Variants in PHF14 observed in about 807,000 individuals in gnomAD.
The protein encoded by PHF14 is PHD finger protein 14.
PHF14 carries 55 observed loss-of-function variants against 117.9 expected under a neutral mutation model. The ratio of observed to expected loss-of-function variants is 0.47; its 90% CI spans 0.38 to 0.58. The LOEUF (loss-of-function observed/expected upper bound fraction) is 0.58, where lower values mean the gene tolerates loss of function less well. Among genes scored for constraint, PHF14 ranks in the 20% least tolerant of loss-of-function variants. The pLI is 0.00. For missense variants in PHF14, 978 were observed against 1,122.2 expected (o/e 0.87, Z 1.84); for synonymous variants, 409 against 368.6 (o/e 1.11, Z -1.26).
chr7:10,990,860 T>C lies in PHF14; in HGVS notation c.1045+13T>C. 1 of 1,551,408 alleles carries C rather than the reference T, an allele frequency of 6.4e-7. No individual in the cohort carries two copies. Among genetic ancestry groups the C allele is most frequent in the African/African-American group, 1.4e-5 (1 of 73,560 alleles). ...ACAGTCCATGAAGGTAATGTTGCTT[T>C]CTTTTCTCTCTTTTTAGAAATGGCT... On this transcript the variant is annotated intron_variant, in intron 4 of 17. Coordinates refer to ENST00000634607, the MANE Select transcript of PHF14 (RefSeq NM_001007157.2).
rs754199167 is a variant in PHF14 at position 11,061,967 on chromosome 7, A to G, written c.2536A>G (p.Arg846Gly). The G allele has an allele frequency of 6.3e-7, 1 of 1,591,476 alleles. No individual in the cohort carries two copies. The highest frequency in any genetic ancestry group is 8.6e-7 in the Non-Finnish European group (1 of 1,168,298). Reference protein sequence around the residue: ...FVPEEEKHEERVPRERRQRQS... With the variant: ...FVPEEEKHEEGVPRERRQRQS... ...TTTATTATCCCTTGTATGGCAGGAA[A>G]GAGTTCCTAGAGAGAGAAGACAAAG... The change falls in exon 16 of 18, where the codon AGA (arginine) becomes GGA (glycine). Residue 846 changes from arginine (R) to glycine (G), a missense_variant. Around this residue, in one of 7 missense-constraint regions of PHF14, gnomAD observed 180 missense variants for 195.4 expected, o/e 0.92. Coordinates refer to ENST00000634607, the MANE Select transcript of PHF14 (RefSeq NM_001007157.2).
At chr7:11,115,380 A>ATCTT (rs1266141330) in intron 17 of PHF14, among the ~76,000 whole-genome samples, 1 of 152,014 alleles carries the variant, frequency 6.6e-6, no homozygotes, top group Non-Finnish European at 1.5e-5. Context: ...TCTATATAAC[A>ATCTT]TCTTTTTAAA....
intron 16 of PHF14, among the ~76,000 whole-genome samples, chr7:11,064,826 G>A (rs951965939): frequency 6.6e-6 from 1 of 151,864 alleles, no homozygotes; most frequent in Non-Finnish European, 1.5e-5. Flanking sequence ...CTGTGTCTTG[G>A]TTTTCCCCCC....
At chr7:11,027,382 T>TA (rs1323785522) in intron 6 of PHF14, among the ~76,000 whole-genome samples, 1 of 152,164 alleles carries the variant, frequency 6.6e-6, no homozygotes, top group African/African-American at 2.4e-5. Flanking sequence ...GTTTCCTTCT[T>TA]ATGTAGTTCA....
At chr7:11,075,578 T>TTG (rs1332423510) in intron 16 of PHF14, among the ~76,000 whole-genome samples, 4 of 148,506 alleles carry the variant, frequency 2.7e-5, no homozygotes, top group Non-Finnish European at 4.5e-5. Context: ...TTTTTTTTTT[T>TTG]TTTTTTTTTT....
rs57281048 is a variant in PHF14, at chr7:11,054,973, A to G, written c.2481+3193A>G. ...TTACCTTCATGACATACGTAGGGCA[A>G]TCATGACATACCCCAAGCTCATGGA... On this transcript the variant is annotated intron_variant, in intron 14 of 17. Coordinates refer to ENST00000634607, the MANE Select transcript of PHF14 (RefSeq NM_001007157.2). 2.0e-4 allele frequency among the ~76,000 whole-genome samples: 30 copies of G among 152,154 alleles called. 1 individual carries two copies. In the East Asian group the frequency reaches 5.2e-3, roughly 27 times the overall value.
rs140045435 is a variant in PHF14 at position 10,975,056 on chromosome 7, A to G, written c.112+111A>G. The G allele has an allele frequency of 7.3e-4, 490 of 675,568 alleles. 6 individuals carry two copies. In the Admixed American group the frequency reaches 0.012, roughly 16 times the overall value. The allele number at this position is 675,568 out of a possible 1,614,324, so 41.8% of individuals were successfully genotyped here. ...TGCCAATTTTAAGTGAAAGCACGTA[A>G]ACTTCATTTATTTTGTCCATTTGAT... On this transcript the variant is annotated intron_variant, in intron 2 of 17. Coordinates refer to ENST00000634607, the MANE Select transcript of PHF14 (RefSeq NM_001007157.2).
rs879104032 is a variant in PHF14 at position 11,042,916 on chromosome 7, C to A, written c.2312+102C>A. 4.3e-5 allele frequency: 35 copies of A among 808,284 alleles called. No individual in the cohort carries two copies. The South Asian group carries it at 5.3e-4, about 12-fold the overall frequency. 50.1% of individuals were successfully genotyped at this position (808,284 alleles called of 1,614,324 possible). ...TTTGTTCATAATAAAGTATTTGGCA[C>A]ATTTTAAAATTGACTGTCATCAATA... On this transcript the variant is annotated intron_variant, in intron 13 of 17. Coordinates refer to ENST00000634607, the MANE Select transcript of PHF14 (RefSeq NM_001007157.2).
At chr7:11,008,880 A>C (rs1253382079) in intron 4 of PHF14, among the ~76,000 whole-genome samples, 3 of 151,598 alleles carry the variant, frequency 2.0e-5, no homozygotes, top group Non-Finnish European at 4.4e-5. Context: ...CTAAAAATAC[A>C]AAAAAATTAG....
intron 11 of PHF14, 144 bp from the exon 12 acceptor site, chr7:11,040,528 C>A: frequency 2.5e-6 from 1 of 406,432 alleles, no homozygotes; most frequent in Non-Finnish European, 4.5e-6. Flanking sequence ...CATTTTAATC[C>A]TTTTTGCCAA....
chr7:11,143,115 T>G (rs1788444261), intron 17 of PHF14, among the ~76,000 whole-genome samples: 2 of 152,318 alleles, frequency 1.3e-5, no homozygotes, highest in South Asian at 4.1e-4. Context: ...TGAATTTGGC[T>G]TGATAATTGG....
At chr7:11,034,470 T>G (rs1315075877) in intron 7 of PHF14, among the ~76,000 whole-genome samples, 1 of 151,612 alleles carries the variant, frequency 6.6e-6, no homozygotes, top group Non-Finnish European at 1.5e-5. Flanking sequence ...TCCACTTGAG[T>G]TTTTAGGGAA....
At chr7:11,168,047 G>C (rs181941042) in intron 17 of PHF14, among the ~76,000 whole-genome samples, 1 of 150,920 alleles carries the variant, frequency 6.6e-6, no homozygotes, top group East Asian at 1.9e-4. Flanking sequence ...AATGTCATCT[G>C]TAGGAACTTT....
intron 2 of PHF14, among the ~76,000 whole-genome samples, chr7:10,981,283 A>C (rs1294482682): frequency 2.0e-5 from 3 of 152,188 alleles, no homozygotes; most frequent in African/African-American, 7.2e-5. Context: ...GTGCAAAAAA[A>C]TTCATCATCC....
At chr7:11,028,356 G>A (rs74337780) in intron 6 of PHF14, among the ~76,000 whole-genome samples, 2,135 of 152,274 alleles carry the variant, frequency 0.014, 52 homozygotes, top group East Asian at 0.1. Flanking sequence ...AAGTGGAACT[G>A]TTGTAAACTG....
intron 17 of PHF14, among the ~76,000 whole-genome samples, chr7:11,138,839 T>C (rs1245543847): frequency 6.6e-6 from 1 of 152,204 alleles, no homozygotes; most frequent in Non-Finnish European, 1.5e-5. Flanking sequence ...TTTGCTTCAC[T>C]GTCGTTTGCT....
At chr7:11,015,728 T>TA (rs150742871) in intron 5 of PHF14, among the ~76,000 whole-genome samples, 1,906 of 152,226 alleles carry the variant, frequency 0.013, 40 homozygotes, top group East Asian at 0.1. Context: ...TCCTTACTCT[T>TA]ACTACTGCCG....
rs78255902 is a variant in PHF14 at position 11,011,324 on chromosome 7, C to T, written c.1046-2423C>T. Among the ~76,000 whole-genome samples, 92 of 152,174 alleles carry T rather than the reference C, an allele frequency of 6.0e-4. 3 individuals are homozygous for T. The East Asian group carries it at 0.015, about 25-fold the overall frequency. On this transcript the variant is annotated intron_variant, in intron 4 of 17. Coordinates refer to ENST00000634607, the MANE Select transcript of PHF14 (RefSeq NM_001007157.2). ...TTTCTTTGATGGTTGTGAGAGGTCA[C>T]GCTCCAATTTAGGCTCCTGGTTGTC...
intron 16 of PHF14, among the ~76,000 whole-genome samples, chr7:11,100,720 T>C (rs529836149): frequency 4.5e-4 from 68 of 152,002 alleles, no homozygotes; most frequent in Middle Eastern, 3.4e-3. Flanking sequence ...TACTATTTTA[T>C]GGGTGAGGAA....
Sources: gnomAD v4.1 joint callset for allele counts (sites outside exome capture counted in the v4.1 genomes callset) on GRCh38, gnomAD v4.1.1 for gene constraint, gnomAD v4.1.1 regional missense constraint, MANE v1.5 for transcripts, NCBI Gene and HGNC (gene_info 2026-07-23, HGNC 2026-07-21) for gene names.